Variants in TMEM132D observed in about 807,000 individuals in gnomAD.
The protein encoded by TMEM132D is transmembrane protein 132D, also known as mature OL transmembrane protein.
In TMEM132D, 21 loss-of-function variants were observed where a neutral mutation model predicts 62.3. The ratio of observed to expected loss-of-function variants is 0.34; its 90% CI spans 0.24 to 0.49. TMEM132D has a LOEUF of 0.49. TMEM132D is among the 20% of genes least tolerant of loss of function. TMEM132D has a pLI of 0.99. For missense variants in TMEM132D, 1,346 were observed against 1,402.8 expected (o/e 0.96, Z 0.65); for synonymous variants, 621 against 575.6 (o/e 1.08, Z -1.13).
intron 5 of TMEM132D, among the ~76,000 whole-genome samples, chr12:129,171,097 C>T (rs943411209): frequency 2.0e-5 from 3 of 152,228 alleles, no homozygotes; most frequent in African/African-American, 7.2e-5. Flanking sequence ...AATCATTCCT[C>T]TCAAATCCTG....
intron 3 of TMEM132D, among the ~76,000 whole-genome samples, chr12:129,520,308 T>A (rs916030054): frequency 6.6e-6 from 1 of 152,194 alleles, no homozygotes; most frequent in Admixed American, 6.5e-5. Context: ...TACTCTGGGG[T>A]GCATACGTCT....
chr12:129,115,493 T>C (rs73159573), intron 5 of TMEM132D, among the ~76,000 whole-genome samples: 59,778 of 151,992 alleles, frequency 0.39, 12,558 homozygotes, highest in East Asian at 0.71. Context: ...CTCAGTGGAA[T>C]TGGCTATAAA....
In TMEM132D at chr12:129,188,243, GT is replaced by G. The variant is rs765887034; in HGVS notation, c.1443+21276del. ...GCTGTTCTTTCTCCAAGACTCTGCT[GT>G]TGCCTTGTTAGCAGGTCCCAGCTGG... On this transcript the variant is annotated intron_variant, in intron 5 of 8. Coordinates refer to ENST00000422113, the MANE Select transcript of TMEM132D (RefSeq NM_133448.3). Among the ~76,000 whole-genome samples the G allele has an allele frequency of 1.5e-4, 23 of 152,314 alleles. No individual in the cohort carries two copies. The East Asian group carries it at 4.2e-3, about 28-fold the overall frequency.
At chr12:129,659,604 TAAA>T (rs34095467) in intron 2 of TMEM132D, among the ~76,000 whole-genome samples, 6 of 149,810 alleles carry the variant, frequency 4.0e-5, no homozygotes, top group Non-Finnish European at 8.9e-5. Context: ...GATAAATGGG[TAAA>T]AAAAAAACCC....
At chr12:129,141,970 T>C (rs1876753534) in intron 5 of TMEM132D, among the ~76,000 whole-genome samples, 1 of 148,614 alleles carries the variant, frequency 6.7e-6, no homozygotes, top group Admixed American at 6.7e-5. Context: ...TTTATATATT[T>C]ATAAAGTATT....
chr12:129,115,407 G>A (rs533481729), intron 5 of TMEM132D, among the ~76,000 whole-genome samples: 70 of 152,258 alleles, frequency 4.6e-4, no homozygotes, highest in Non-Finnish European at 9.3e-4. Flanking sequence ...TCTTTGGGAT[G>A]GAGGTCGGGT....
intron 3 of TMEM132D, among the ~76,000 whole-genome samples, chr12:129,418,049 A>C (rs578184446): frequency 6.6e-6 from 1 of 152,328 alleles, no homozygotes; most frequent in South Asian, 2.1e-4. Context: ...TCAAGAAACA[A>C]CAGATGCTGG....
At chr12:129,584,098 G>T (rs1405807974) in intron 2 of TMEM132D, among the ~76,000 whole-genome samples, 1 of 152,020 alleles carries the variant, frequency 6.6e-6, no homozygotes, top group African/African-American at 2.4e-5. Context: ...CTAATAAATA[G>T]TTGGTCACAA....
At chr12:129,497,499 C>T (rs914268390) in intron 3 of TMEM132D, among the ~76,000 whole-genome samples, 2 of 152,036 alleles carry the variant, frequency 1.3e-5, no homozygotes, top group African/African-American at 4.8e-5. Context: ...CTGCTGACCT[C>T]CAGGCACAGC....
intron 5 of TMEM132D, among the ~76,000 whole-genome samples, chr12:129,131,491 C>T (rs1272182066): frequency 1.3e-5 from 2 of 152,164 alleles, no homozygotes; most frequent in Non-Finnish European, 2.9e-5. Flanking sequence ...CCTGTAATCC[C>T]AGCTACATAG....
At chr12:129,333,923 C>T (rs1869193634) in intron 4 of TMEM132D, among the ~76,000 whole-genome samples, 1 of 152,166 alleles carries the variant, frequency 6.6e-6, no homozygotes, top group South Asian at 2.1e-4. Context: ...GAGTTCAAGA[C>T]CAGCCTGGCT....
intron 4 of TMEM132D, among the ~76,000 whole-genome samples, chr12:129,261,006 C>G (rs560980118): frequency 3.2e-4 from 49 of 152,278 alleles, no homozygotes; most frequent in Non-Finnish European, 5.1e-4. Context: ...ATAATGCCTT[C>G]TTTTCCTTTT....
At chr12:129,289,653 C>T (rs961349342) in intron 4 of TMEM132D, among the ~76,000 whole-genome samples, 1 of 151,446 alleles carries the variant, frequency 6.6e-6, no homozygotes, top group African/African-American at 2.4e-5. Flanking sequence ...CACAACTTGA[C>T]TTCAATCACA....
chr12:129,301,828 T>C (rs530228615), intron 4 of TMEM132D, among the ~76,000 whole-genome samples: 1 of 152,270 alleles, frequency 6.6e-6, no homozygotes, highest in Admixed American at 6.5e-5. Flanking sequence ...GACACAGGAT[T>C]CACCATCAGC....
intron 3 of TMEM132D, among the ~76,000 whole-genome samples, chr12:129,413,653 A>G (rs1415217534): frequency 6.6e-6 from 1 of 152,200 alleles, no homozygotes; most frequent in Non-Finnish European, 1.5e-5. Flanking sequence ...TTTGAAAATG[A>G]TAACACATTT....
intron 3 of TMEM132D, among the ~76,000 whole-genome samples, chr12:129,492,734 G>A (rs1299909689): frequency 6.6e-6 from 1 of 152,078 alleles, no homozygotes; most frequent in Non-Finnish European, 1.5e-5. Context: ...CAAGTGGGGA[G>A]TTTTCTGTTT....
In TMEM132D at chr12:129,524,048, A is replaced by G. The variant is rs895104281; in HGVS notation, c.1115+7011T>C. On this transcript the variant is annotated intron_variant, in intron 3 of 8. Coordinates refer to ENST00000422113, the MANE Select transcript of TMEM132D (RefSeq NM_133448.3). ...TTGAACAATGAGAACACATGGACAC[A>G]GGAAGGGGAACATCACACACCGGGG... Among the ~76,000 whole-genome samples, 10 of 151,336 alleles carry G rather than the reference A, an allele frequency of 6.6e-5. No individual in the cohort carries two copies. In the East Asian group the frequency reaches 1.4e-3, roughly 21 times the overall value.
At position 129,863,993 on chromosome 12, in the gene TMEM132D, C is replaced by T. The variant is rs899065103; in HGVS notation, c.79+39268G>A. 2.0e-5 allele frequency among the ~76,000 whole-genome samples: 3 copies of T among 152,144 alleles called. No homozygotes were observed. The South Asian group carries it at 6.2e-4, about 32-fold the overall frequency. On this transcript the variant is annotated intron_variant, in intron 1 of 8. Transcript: ENST00000422113. ...CCTTTAAAGTGTGAGCCCAATTGCG[C>T]TACCACTAGCACCAGTGAGGGCTGG...
chr12:129,331,998 G>C (rs1411843104), intron 4 of TMEM132D, among the ~76,000 whole-genome samples: 4 of 152,158 alleles, frequency 2.6e-5, no homozygotes, highest in Non-Finnish European at 5.9e-5. Flanking sequence ...ATTGCTTGAG[G>C]CCAGGAGTTC....
Sources: allele counts gnomAD v4.1 joint callset (sites outside exome capture counted in the v4.1 genomes callset), GRCh38; gene constraint gnomAD v4.1.1; transcripts MANE v1.5; gene names NCBI Gene and HGNC (gene_info 2026-07-23, HGNC 2026-07-21).